OXR1: variants seen among roughly 807,000 people sequenced by gnomAD.
The protein encoded by OXR1 is oxidation resistance protein 1.
In OXR1, 41 loss-of-function variants were observed where a neutral mutation model predicts 104.6. The ratio of observed to expected loss-of-function variants is 0.39; its 90% confidence interval spans 0.31 to 0.51. OXR1 has a LOEUF of 0.51. Among genes scored for constraint, OXR1 ranks in the 20% least tolerant of loss-of-function variants. The probability of loss-of-function intolerance (pLI) is 0.77; values close to 1 mark genes in which losing one functional copy is unlikely to be tolerated. For missense variants in OXR1, 955 were observed against 1,031.9 expected (o/e 0.93, Z 1.02); for synonymous variants, 348 against 348.4 (o/e 1.00, Z 0.01).
chr8:106,617,438 G>T (rs539737790), intron 3 of OXR1, among the ~76,000 whole-genome samples: 1 of 151,708 alleles, frequency 6.6e-6, no homozygotes, highest in Non-Finnish European at 1.5e-5. Flanking sequence ...CAAAAAAAAA[G>T]GGGGGTGGGT....
At chr8:106,456,315 T>A (rs1820592815) in intron 2 of OXR1, among the ~76,000 whole-genome samples, 1 of 152,198 alleles carries the variant, frequency 6.6e-6, no homozygotes, top group South Asian at 2.1e-4. Flanking sequence ...TATGACCGTC[T>A]CATAGTGTTG....
chr8:106,445,894 A>G (rs775292552), intron 2 of OXR1, among the ~76,000 whole-genome samples: 1 of 152,226 alleles, frequency 6.6e-6, no homozygotes, highest in Non-Finnish European at 1.5e-5. Context: ...GTCCTTTCTT[A>G]AAAACAAGTT....
intron 1 of OXR1, among the ~76,000 whole-genome samples, chr8:106,302,716 A>AG (rs1321194082): frequency 6.6e-6 from 1 of 152,096 alleles, no homozygotes; most frequent in Non-Finnish European, 1.5e-5. Flanking sequence ...TGGGGAAGAA[A>AG]GGGAAAAACA....
intron 3 of OXR1, among the ~76,000 whole-genome samples, chr8:106,542,254 T>C (rs983155771): frequency 2.6e-5 from 4 of 152,132 alleles, no homozygotes; most frequent in African/African-American, 9.7e-5. Flanking sequence ...ACTATGAATA[T>C]CAAAATCCTA....
At chr8:106,358,185 G>A (rs750215495) in intron 1 of OXR1, among the ~76,000 whole-genome samples, 5 of 152,208 alleles carry the variant, frequency 3.3e-5, no homozygotes, top group Non-Finnish European at 7.3e-5. Flanking sequence ...GCAAACACAT[G>A]ATTGAGAAGG....
intron 3 of OXR1, among the ~76,000 whole-genome samples, chr8:106,666,796 TG>T (rs1302537159): frequency 2.0e-5 from 3 of 151,582 alleles, no homozygotes; most frequent in Admixed American, 6.6e-5. Flanking sequence ...AGGATCGGGG[TG>T]GGGGTTCCTG....
At chr8:106,280,847 T>A (rs1266187937) in intron 1 of OXR1, among the ~76,000 whole-genome samples, 1 of 152,166 alleles carries the variant, frequency 6.6e-6, no homozygotes, top group Non-Finnish European at 1.5e-5. Context: ...GTAGGATAGT[T>A]GAGAGTAACT....
At chr8:106,684,425 GT>G in intron 6 of OXR1, 66 bp downstream of exon 6, 1 of 777,872 alleles carries the variant, frequency 1.3e-6, no homozygotes, top group Non-Finnish European at 2.3e-6. Context: ...TGACTGTCTT[GT>G]TTTTTACATT....
At chr8:106,353,401 A>G (rs1414100605) in intron 1 of OXR1, among the ~76,000 whole-genome samples, 5 of 150,322 alleles carry the variant, frequency 3.3e-5, no homozygotes, top group African/African-American at 9.8e-5. Context: ...ATTTAACTAT[A>G]TAGACAATCA....
chr8:106,528,462 C>T (rs1375330964), intron 3 of OXR1, among the ~76,000 whole-genome samples: 2 of 152,124 alleles, frequency 1.3e-5, no homozygotes, highest in Non-Finnish European at 2.9e-5. Context: ...CTTACTAACC[C>T]CAGGCTGCTT....
intron 2 of OXR1, among the ~76,000 whole-genome samples, chr8:106,390,985 G>A (rs991747110): frequency 6.6e-6 from 1 of 152,114 alleles, no homozygotes; most frequent in African/African-American, 2.4e-5. Context: ...GAGAAATTCA[G>A]TGTTATTAAA....
At chr8:106,405,067 C>T (rs978458913) in intron 2 of OXR1, among the ~76,000 whole-genome samples, 1 of 150,404 alleles carries the variant, frequency 6.6e-6, no homozygotes, top group South Asian at 2.1e-4. Flanking sequence ...AGTATCAGTG[C>T]TTTCTTCACT....
In OXR1 at chr8:106,339,515, AAAAAATAT is replaced by A. The variant is rs1815124415; in HGVS notation, c.-138-19959_-138-19952del. ...TCCAAAAAAAAAAAAAAAAAAAAAA[AAAAAATAT>A]ATATATATATATATATATATATATA... On this transcript the variant is annotated intron_variant, in intron 1 of 16. Coordinates refer to ENST00000517566, the MANE Select transcript of OXR1 (RefSeq NM_001198533.2). Among the ~76,000 whole-genome samples the A allele has an allele frequency of 1.9e-4, 6 of 31,262 alleles. 1 individual carries two copies. Among genetic ancestry groups the A allele is most frequent in the African/African-American group, 5.7e-4 (3 of 5,252 alleles). 20.5% of individuals were successfully genotyped at this position (31,262 alleles called of 152,430 possible).
chr8:106,388,566 G>T (rs1396269552), intron 2 of OXR1, among the ~76,000 whole-genome samples: 1 of 152,056 alleles, frequency 6.6e-6, no homozygotes, highest in African/African-American at 2.4e-5. Flanking sequence ...GGGATTACAG[G>T]TGCCCACCAC....
chr8:106,380,162 T>C (rs1817084522), intron 2 of OXR1, among the ~76,000 whole-genome samples: 1 of 150,790 alleles, frequency 6.6e-6, no homozygotes, highest in African/African-American at 2.5e-5. Flanking sequence ...TTACTTTCTG[T>C]CTCTATGGAT....
chr8:106,621,887 A>T (rs1025444584), intron 3 of OXR1, among the ~76,000 whole-genome samples: 3 of 152,196 alleles, frequency 2.0e-5, no homozygotes, highest in African/African-American at 7.2e-5. Context: ...ATGAACATTT[A>T]GTCATATACT....
chr8:106,354,082 T>C (rs1387384876), intron 1 of OXR1, among the ~76,000 whole-genome samples: 1 of 151,426 alleles, frequency 6.6e-6, no homozygotes, highest in Non-Finnish European at 1.5e-5. Flanking sequence ...TTTTGAGAAA[T>C]GTCCATTCAG....
intron 3 of OXR1, among the ~76,000 whole-genome samples, chr8:106,538,442 T>C (rs1814710667): frequency 6.6e-6 from 1 of 152,200 alleles, no homozygotes; most frequent in South Asian, 2.1e-4. Context: ...TATCATCTCT[T>C]TTCTACTATT....
intron 2 of OXR1, among the ~76,000 whole-genome samples, chr8:106,422,220 G>A (rs1818933059): frequency 6.6e-6 from 1 of 152,098 alleles, no homozygotes; most frequent in African/African-American, 2.4e-5. Context: ...GAAAATTAAG[G>A]AGGAAACGTG....
Sources: gnomAD v4.1 joint callset for allele counts (sites outside exome capture counted in the v4.1 genomes callset) on GRCh38, gnomAD v4.1.1 for gene constraint, MANE v1.5 for transcripts, NCBI Gene and HGNC (gene_info 2026-07-23, HGNC 2026-07-21) for gene names.